CYP4Z1: variants seen among roughly 807,000 people sequenced by gnomAD.
CYP4Z1 encodes cytochrome P450 4Z1.
CYP4Z1 carries 41 observed loss-of-function variants against 54.2 expected under a neutral mutation model. The ratio of observed to expected loss-of-function variants is 0.76; its 90% CI spans 0.59 to 0.98. The LOEUF is 0.98. Ranked by LOEUF, CYP4Z1 falls within the 50% of genes least tolerant of loss-of-function variation. The pLI, the probability that CYP4Z1 is intolerant of heterozygous loss-of-function variation, is 0.00. For synonymous variants in CYP4Z1, 163 were observed against 206.2 expected (o/e 0.79, Z 1.79); for missense variants, 513 against 599.0 (o/e 0.86, Z 1.50).
chr1:47,100,158 C>T (rs1178481533), intron 8 of CYP4Z1, among the ~76,000 whole-genome samples: 1 of 152,166 alleles, frequency 6.6e-6, no homozygotes, highest in Non-Finnish European at 1.5e-5. Context: ...TTCTTTTGCA[C>T]AGGATTCACT....
the CYP4Z1 span, among the ~76,000 whole-genome samples, chr1:47,057,335 A>AAAAAAAAAAAAAATATATATAT: frequency 1.1e-4 from 3 of 28,486 alleles, no homozygotes; most frequent in Non-Finnish European, 2.5e-4. Flanking sequence ...AAGAAAAAAA[A>AAAAAAAAAAAAAATATATATAT]ATATATATAT....
chr1:47,101,850 TGA>T (rs1191672299), intron 8 of CYP4Z1, among the ~76,000 whole-genome samples: 1 of 152,086 alleles, frequency 6.6e-6, no homozygotes, highest in Non-Finnish European at 1.5e-5. Flanking sequence ...CGAATAAAGC[TGA>T]GAGTAGGGGG....
At chr1:47,092,853 A>G (rs1244930919) in intron 6 of CYP4Z1, among the ~76,000 whole-genome samples, 1 of 146,744 alleles carries the variant, frequency 6.8e-6, no homozygotes, top group Non-Finnish European at 1.5e-5. Context: ...AATACCTATC[A>G]GGGTCATTAG....
chr1:47,114,058 A>G (rs1644812308), intron 9 of CYP4Z1, among the ~76,000 whole-genome samples: 1 of 151,996 alleles, frequency 6.6e-6, no homozygotes, highest in Non-Finnish European at 1.5e-5. Flanking sequence ...CTACAAGGCT[A>G]CAGTAACCAA....
intron 4 of CYP4Z1, among the ~76,000 whole-genome samples, chr1:47,083,238 C>T (rs886469168): frequency 7.9e-5 from 12 of 152,154 alleles, no homozygotes; most frequent in African/African-American, 1.7e-4. Context: ...CTAAACACGT[C>T]AGCTTGGATT....
the CYP4Z1 span, among the ~76,000 whole-genome samples, chr1:47,059,940 C>G: frequency 2.2e-4 from 33 of 152,282 alleles, no homozygotes; most frequent in African/African-American, 6.7e-4. Context: ...GTCCAGGGCA[C>G]TCTGCAAACA....
chr1:47,088,740 C>A (rs1644616176), intron 6 of CYP4Z1, among the ~76,000 whole-genome samples: 1 of 138,306 alleles, frequency 7.2e-6, no homozygotes, highest in African/African-American at 2.9e-5. Flanking sequence ...CCTCAGCCCC[C>A]CAAGCAGCTG....
upstream of CYP4Z1, among the ~76,000 whole-genome samples, chr1:47,063,664 TTTCAAATTAAC>T (rs1257387694): frequency 1.3e-5 from 2 of 151,938 alleles, no homozygotes; most frequent in Non-Finnish European, 2.9e-5. Flanking sequence ...AAGACAAGTC[TTTCAAATTAAC>T]CCTACCCATC....
At chr1:47,101,503 ACC>A (rs1644721165) in intron 8 of CYP4Z1, among the ~76,000 whole-genome samples, 1 of 151,932 alleles carries the variant, frequency 6.6e-6, no homozygotes, top group Non-Finnish European at 1.5e-5. Context: ...TTCTTTCTTG[ACC>A]CAATTGTTGT....
chr1:47,100,945 G>A (rs1450236891), intron 8 of CYP4Z1, among the ~76,000 whole-genome samples: 1 of 152,076 alleles, frequency 6.6e-6, no homozygotes, highest in Non-Finnish European at 1.5e-5. Flanking sequence ...ACTCATACTG[G>A]TCTGTTCAGG....
In CYP4Z1 at chr1:47,116,811, CAGTT is replaced by C. The variant is rs564920902; in HGVS notation, c.1349+82_1349+85del. 6 of 1,061,178 alleles carry C rather than the reference CAGTT, an allele frequency of 5.7e-6. No individual in the cohort carries two copies. The East Asian group carries it at 1.5e-4, about 27-fold the overall frequency. The allele number at this position is 1,061,178 out of a possible 1,614,324, so 65.7% of individuals were successfully genotyped here. On this transcript the variant is annotated intron_variant, in intron 11 of 11. Coordinates refer to ENST00000334194, the MANE Select transcript of CYP4Z1 (RefSeq NM_178134.3). ...CAAGTGCTTCTTCCCTTCAGGCCCT[CAGTT>C]AGCTGACACTGCTGTTGCTCCCCAT...
chr1:47,078,562 T>C (rs557995511), intron 2 of CYP4Z1, among the ~76,000 whole-genome samples: 1 of 139,708 alleles, frequency 7.2e-6, no homozygotes, highest in African/African-American at 2.7e-5. Flanking sequence ...TTTTCATTTC[T>C]TTTTCCTGTG....
the CYP4Z1 span, among the ~76,000 whole-genome samples, chr1:47,057,335 A>AAAAAAAAAAAAAAAAATATATAT: frequency 7.0e-5 from 2 of 28,484 alleles, no homozygotes; most frequent in Non-Finnish European, 1.7e-4. Flanking sequence ...AAGAAAAAAA[A>AAAAAAAAAAAAAAAAATATATAT]ATATATATAT....
intron 4 of CYP4Z1, among the ~76,000 whole-genome samples, chr1:47,084,017 C>A (rs1237221891): frequency 6.6e-6 from 1 of 151,926 alleles, no homozygotes; most frequent in Non-Finnish European, 1.5e-5. Flanking sequence ...AAATGGAGAA[C>A]TTCGTCTCAA....
chr1:47,103,689 G>A (rs1644737478), intron 8 of CYP4Z1, among the ~76,000 whole-genome samples: 1 of 149,958 alleles, frequency 6.7e-6, no homozygotes. Context: ...CCACCTCCCG[G>A]GTTCAAGCAA....
chr1:47,101,464 T>C (rs1644720956), intron 8 of CYP4Z1, among the ~76,000 whole-genome samples: 1 of 152,172 alleles, frequency 6.6e-6, no homozygotes, highest in African/African-American at 2.4e-5. Context: ...TTCATTTGTT[T>C]CAAGAAATTT....
rs1278948270 is a variant in CYP4Z1, at chr1:47,117,935, T to G, written c.*1T>G. On this transcript the variant is annotated 3_prime_UTR_variant, in exon 12 of 12. Transcript: ENST00000334194. Reference sequence around the variant, plus strand: ...TGTGTTTGCAAAAAAAGTTTGCTAATTTTAAGTCCTTTCGTATAAGAATTA... The same window carrying G: ...TGTGTTTGCAAAAAAAGTTTGCTAAGTTTAAGTCCTTTCGTATAAGAATTA... 6.2e-7 allele frequency: 1 copy of G among 1,612,838 alleles called. No individual in the cohort carries two copies. Among genetic ancestry groups the G allele is most frequent in the South Asian group, 1.1e-5 (1 of 90,962 alleles).
the CYP4Z1 span, among the ~76,000 whole-genome samples, chr1:47,057,335 A>AAAAAAAAAAAAAAAATATATAT: frequency 1.1e-4 from 3 of 28,482 alleles, no homozygotes; most frequent in Non-Finnish European, 2.5e-4. Context: ...AAGAAAAAAA[A>AAAAAAAAAAAAAAAATATATAT]ATATATATAT....
chr1:47,066,594 A>T (rs2148523419), upstream of CYP4Z1, among the ~76,000 whole-genome samples: 1 of 152,338 alleles, frequency 6.6e-6, no homozygotes, highest in Middle Eastern at 3.4e-3. Flanking sequence ...CTCCTTGAGA[A>T]CTGGAACAAG....
Sources: allele counts gnomAD v4.1 joint callset (sites outside exome capture counted in the v4.1 genomes callset), GRCh38; gene constraint gnomAD v4.1.1; transcripts MANE v1.5; gene names NCBI Gene and HGNC (gene_info 2026-07-23, HGNC 2026-07-21).